DCC: variants seen among roughly 807,000 people sequenced by gnomAD.
The protein encoded by DCC is netrin receptor DCC.
A neutral mutation model predicts 172.5 loss-of-function variants in DCC; 58 were observed. The observed-to-expected ratio is 0.34, with a 90% confidence interval of 0.27 to 0.42. The LOEUF (loss-of-function observed/expected upper bound fraction) is 0.42, where lower values mean the gene tolerates loss of function less well. Ranked by LOEUF, DCC falls within the 10% of genes least tolerant of loss-of-function variation. The probability of loss-of-function intolerance (pLI) is 1.00; values close to 1 mark genes in which losing one functional copy is unlikely to be tolerated. For missense variants in DCC, 1,740 were observed against 1,791.0 expected (o/e 0.97, Z 0.51); for synonymous variants, 709 against 644.5 (o/e 1.10, Z -1.52).
In DCC at chr18:52,752,039, G is replaced by C; in HGVS notation, c.92-15G>C. The C allele has an allele frequency of 6.2e-7, 1 of 1,608,138 alleles. No individual in the cohort carries two copies. The highest frequency in any genetic ancestry group is 8.5e-7 in the Non-Finnish European group (1 of 1,174,760). On this transcript the variant is annotated splice_polypyrimidine_tract_variant and intron_variant, in intron 1 of 28. Coordinates refer to ENST00000442544, the MANE Select transcript of DCC (RefSeq NM_005215.4). Reference sequence around the variant, plus strand: ...TGAATACATGAACATATTTCCCTGTGCTCTCTTGTTCCAGGTTTTCAAATT... The same window carrying C: ...TGAATACATGAACATATTTCCCTGTCCTCTCTTGTTCCAGGTTTTCAAATT...
At chr18:53,007,630 C>CAT (rs1183950301) in intron 5 of DCC, among the ~76,000 whole-genome samples, 2 of 151,932 alleles carry the variant, frequency 1.3e-5, no homozygotes, top group African/African-American at 4.8e-5. Context: ...TATACACACA[C>CAT]ATACATATAA....
intron 1 of DCC, among the ~76,000 whole-genome samples, chr18:52,375,321 A>T (rs1290834119): frequency 3.6e-5 from 4 of 110,558 alleles, no homozygotes; most frequent in Non-Finnish European, 8.3e-5. Flanking sequence ...TATAACACTC[A>T]CACACACACA....
At chr18:52,444,538 T>A (rs1413311044) in intron 1 of DCC, among the ~76,000 whole-genome samples, 1 of 152,184 alleles carries the variant, frequency 6.6e-6, no homozygotes, top group East Asian at 1.9e-4. Context: ...CAAGAATCTC[T>A]TTTTTTCAAT....
At chr18:52,488,987 C>T (rs576325040) in intron 1 of DCC, among the ~76,000 whole-genome samples, 46 of 152,044 alleles carry the variant, frequency 3.0e-4, no homozygotes, top group Non-Finnish European at 5.1e-4. Context: ...TCTTCATCAT[C>T]TTTTTTAGAG....
chr18:53,003,046 G>A (rs116882359), intron 5 of DCC, among the ~76,000 whole-genome samples: 1 of 152,178 alleles, frequency 6.6e-6, no homozygotes, highest in South Asian at 2.1e-4. Context: ...AGGGTACATA[G>A]CTTTAGGGGG....
intron 12 of DCC, among the ~76,000 whole-genome samples, chr18:53,273,341 C>T (rs1265574028): frequency 6.6e-6 from 1 of 151,938 alleles, no homozygotes; most frequent in Non-Finnish European, 1.5e-5. Context: ...TTGATATAAT[C>T]ATTCATATGT....
At chr18:52,860,419 C>T (rs530707897) in intron 2 of DCC, among the ~76,000 whole-genome samples, 1 of 152,234 alleles carries the variant, frequency 6.6e-6, no homozygotes, top group South Asian at 2.1e-4. Flanking sequence ...AATTTGAAAA[C>T]ATTAGTTTGG....
At chr18:53,358,920 A>G (rs2057913116) in intron 15 of DCC, among the ~76,000 whole-genome samples, 1 of 152,220 alleles carries the variant, frequency 6.6e-6, no homozygotes, top group South Asian at 2.1e-4. Context: ...TAGTTTCTAT[A>G]AGACCAGTGA....
intron 28 of DCC, among the ~76,000 whole-genome samples, chr18:53,529,030 TCTCTCTCTCACA>T (rs1384954541): frequency 1.1e-4 from 7 of 65,508 alleles, no homozygotes; most frequent in East Asian, 1.9e-3. Context: ...TCTCTCTCTC[TCTCTCTCTCACA>T]CACACACACA....
At chr18:52,584,606 T>C (rs1392785088) in intron 1 of DCC, among the ~76,000 whole-genome samples, 1 of 152,146 alleles carries the variant, frequency 6.6e-6, no homozygotes, top group Admixed American at 6.5e-5. Flanking sequence ...TCTTTACTAG[T>C]ATTATAACCC....
chr18:53,178,323 A>G (rs2055140106), intron 8 of DCC, among the ~76,000 whole-genome samples: 1 of 152,234 alleles, frequency 6.6e-6, no homozygotes, highest in Non-Finnish European at 1.5e-5. Context: ...TTTTTAGTTT[A>G]TAAATGTATT....
At chr18:53,394,536 T>C (rs1908789543) in intron 17 of DCC, among the ~76,000 whole-genome samples, 1 of 152,158 alleles carries the variant, frequency 6.6e-6, no homozygotes, top group Non-Finnish European at 1.5e-5. Context: ...TATGATGTTT[T>C]ATATGAATTT....
intron 8 of DCC, among the ~76,000 whole-genome samples, chr18:53,173,876 A>G (rs531441526): frequency 4.9e-5 from 6 of 122,528 alleles, no homozygotes; most frequent in African/African-American, 2.0e-4. Flanking sequence ...CAGAATATAC[A>G]TTTTTTTCAG....
intron 1 of DCC, among the ~76,000 whole-genome samples, chr18:52,388,636 A>G (rs1047406801): frequency 6.6e-6 from 1 of 151,764 alleles, no homozygotes; most frequent in Non-Finnish European, 1.5e-5. Context: ...TGGGCCATCA[A>G]CTTTCTGTCA....
In DCC at chr18:52,720,910, T is replaced by A. The variant is rs74540760; in HGVS notation, c.92-31144T>A. On this transcript the variant is annotated intron_variant, in intron 1 of 28. Transcript: ENST00000442544. ...AATGTTCACAACAGACTCTGGCAAA[T>A]GAGTTCATCCTCCTTGCAGATAATC... Among the ~76,000 whole-genome samples the A allele has an allele frequency of 8.8e-3, 1,333 of 152,280 alleles. 21 individuals carry two copies. The highest frequency in any genetic ancestry group is 0.03 in the African/African-American group (1,258 of 41,556).
chr18:52,834,840 A>G (rs2038676877), intron 2 of DCC, among the ~76,000 whole-genome samples: 3 of 152,128 alleles, frequency 2.0e-5, no homozygotes, highest in Admixed American at 2.0e-4. Flanking sequence ...AAAAAAGGTA[A>G]GTTTTCTTGT....
At chr18:53,461,168 A>C (rs1276345731) in intron 24 of DCC, among the ~76,000 whole-genome samples, 2 of 152,108 alleles carry the variant, frequency 1.3e-5, no homozygotes, top group Non-Finnish European at 2.9e-5. Flanking sequence ...TTCATTGTAG[A>C]TTCTGGATAT....
intron 1 of DCC, among the ~76,000 whole-genome samples, chr18:52,700,943 TTAA>T (rs2145035516): frequency 6.6e-6 from 1 of 152,210 alleles, no homozygotes; most frequent in East Asian, 1.9e-4. Context: ...CCAATGGGAG[TTAA>T]TAATTAAACC....
chr18:52,392,455 A>C (rs890871326), intron 1 of DCC, among the ~76,000 whole-genome samples: 3 of 152,136 alleles, frequency 2.0e-5, no homozygotes, highest in Non-Finnish European at 4.4e-5. Context: ...GAAGTCTTCT[A>C]ATGGCAGTTA....
Sources: gnomAD v4.1 joint callset for allele counts (sites outside exome capture counted in the v4.1 genomes callset) on GRCh38, gnomAD v4.1.1 for gene constraint, MANE v1.5 for transcripts, NCBI Gene and HGNC (gene_info 2026-07-23, HGNC 2026-07-21) for gene names.